The following TRAF3 variants were observed in gnomAD, a reference collection of about 807,000 sequenced individuals.
TRAF3 encodes the protein TNF receptor-associated factor 3.
Under a neutral mutation model 62.3 loss-of-function variants are expected in TRAF3, and 13 were observed. The observed-to-expected ratio is 0.21, with a 90% CI of 0.14 to 0.33. The LOEUF (loss-of-function observed/expected upper bound fraction) is 0.33. TRAF3 is among the 10% of genes least tolerant of loss of function. The probability of loss-of-function intolerance (pLI) is 1.00; values close to 1 mark genes in which losing one functional copy is unlikely to be tolerated. For missense variants in TRAF3, 440 were observed against 741.8 expected, an observed-to-expected ratio of 0.59 and a Z score of 4.73; for synonymous variants, 269 against 283.4, an observed-to-expected ratio of 0.95 and a Z score of 0.51.
At position 102,836,220 on chromosome 14, in the gene TRAF3, C is replaced by G. The variant is rs10147779; in HGVS notation, c.-18+5748C>G. Among the ~76,000 whole-genome samples the G allele has an allele frequency of 7.6e-3, 1,156 of 152,318 alleles. 17 individuals are homozygous for G. The highest frequency in any genetic ancestry group is 0.027 in the African/African-American group (1,110 of 41,572). On this transcript the variant is annotated intron_variant, in intron 2 of 11. Transcript: ENST00000392745. ...GGGCCTGTGCACCTGCTCCTCTGTG[C>G]CTGGCTTGTGGATGCCCCTCACTCG...
chr14:102,845,588 T>C (rs1057389269), intron 2 of TRAF3, among the ~76,000 whole-genome samples: 116 of 150,670 alleles, frequency 7.7e-4, no homozygotes, highest in Admixed American at 1.7e-3. Context: ...CCATCTCGGC[T>C]CACTGCAAGC....
intron 2 of TRAF3, 115 bp downstream of exon 2, chr14:102,830,587 C>G (rs916505502): frequency 2.0e-5 from 3 of 152,146 alleles, no homozygotes; most frequent in South Asian, 2.1e-4. Flanking sequence ...TTTAAAAATT[C>G]TTGTCTTCCC....
chr14:102,792,060 C>T (rs1479270613), intron 1 of TRAF3, among the ~76,000 whole-genome samples: 7 of 151,212 alleles, frequency 4.6e-5, no homozygotes. Flanking sequence ...GCAGTCAGCC[C>T]ACCTTGGCCT....
chr14:102,901,238 G>A (rs1239844574), intron 10 of TRAF3, among the ~76,000 whole-genome samples: 2 of 152,108 alleles, frequency 1.3e-5, no homozygotes, highest in African/African-American at 2.4e-5. Context: ...TAGCACAATC[G>A]CGGGGAGGGG....
intron 2 of TRAF3, among the ~76,000 whole-genome samples, chr14:102,846,802 C>T (rs1298169270): frequency 2.0e-5 from 3 of 152,054 alleles, no homozygotes; most frequent in African/African-American, 2.4e-5. Context: ...GGTGACAGAG[C>T]AAGATGCTGC....
Position 102,905,981 on chromosome 14 carries a change from C to G in TRAF3, c.*197C>G. 2.0e-6 allele frequency: 1 copy of G among 508,012 alleles called. No homozygotes were observed. The highest frequency in any genetic ancestry group is 3.5e-6 in the Non-Finnish European group (1 of 289,256). 31.5% of individuals were successfully genotyped at this position (508,012 alleles called of 1,614,324 possible). On this transcript the variant is annotated 3_prime_UTR_variant, in exon 12 of 12. Coordinates refer to ENST00000392745, the MANE Select transcript of TRAF3 (RefSeq NM_145725.3). Reference sequence around the variant, plus strand: ...TTTATAATAGACTAGCCACACTTCACTCTGAAGAATTATTTATCCTTCAAC... The same window carrying G: ...TTTATAATAGACTAGCCACACTTCAGTCTGAAGAATTATTTATCCTTCAAC...
At chr14:102,824,218 AC>A (rs752255322) in intron 1 of TRAF3, among the ~76,000 whole-genome samples, 15 of 152,140 alleles carry the variant, frequency 9.9e-5, no homozygotes, top group Non-Finnish European at 1.8e-4. Context: ...GGCTTGTTTG[AC>A]CTTTGTTGCT....
rs374968722 is a variant in TRAF3 at position 102,910,730 on chromosome 14, C to G, written c.*4946C>G. 1 of 152,246 alleles carries G rather than the reference C, an allele frequency of 6.6e-6. No homozygotes were observed. The highest frequency in any genetic ancestry group is 1.5e-5 in the Non-Finnish European group (1 of 68,086). 9.4% of individuals were successfully genotyped at this position (152,246 alleles called of 1,614,324 possible). ...GGCCCCGGTGGCCAAGCAGAGCCTG[C>G]GTTTCATTTCTCCTGCTGCACTGTG... On this transcript the variant is annotated 3_prime_UTR_variant, in exon 12 of 12. Coordinates refer to ENST00000392745, the MANE Select transcript of TRAF3 (RefSeq NM_145725.3).
intron 2 of TRAF3, among the ~76,000 whole-genome samples, chr14:102,834,207 C>T (rs1885829164): frequency 6.6e-6 from 1 of 152,098 alleles, no homozygotes; most frequent in African/African-American, 2.4e-5. Context: ...GACTATACTA[C>T]ATGGCTACAG....
chr14:102,794,650 C>T (rs983124263), intron 1 of TRAF3, among the ~76,000 whole-genome samples: 8 of 152,278 alleles, frequency 5.3e-5, no homozygotes, highest in Non-Finnish European at 7.4e-5. Context: ...ATCTGGTATA[C>T]GCATGGTGGC....
At chr14:102,779,439 A>C (rs957818636) in intron 1 of TRAF3, among the ~76,000 whole-genome samples, 1 of 152,192 alleles carries the variant, frequency 6.6e-6, no homozygotes, top group Admixed American at 6.5e-5. Context: ...AGGCAGTAAC[A>C]GTGGCCAGTT....
At chr14:102,817,093 G>A (rs1434841555) in intron 1 of TRAF3, among the ~76,000 whole-genome samples, 1 of 152,180 alleles carries the variant, frequency 6.6e-6, no homozygotes, top group East Asian at 1.9e-4. Flanking sequence ...CAAGGGCTCA[G>A]TGTTGGACCT....
chr14:102,787,648 C>T (rs1897572583), intron 1 of TRAF3, among the ~76,000 whole-genome samples: 1 of 152,078 alleles, frequency 6.6e-6, no homozygotes, highest in Admixed American at 6.5e-5. Flanking sequence ...GATGGCGCTA[C>T]TGCACTGCAG....
rs1054904961 is a variant in TRAF3, at chr14:102,778,516, A to T, written c.-157+841A>T. 6.6e-5 allele frequency among the ~76,000 whole-genome samples: 10 copies of T among 152,208 alleles called. 1 individual carries two copies. Among genetic ancestry groups the T allele is most frequent in the African/African-American group, 2.4e-4 (10 of 41,452 alleles). ...CAGATTACGAGCTGTTGACGGGACC[A>T]GTTGTATTTCACGTTTTTCGAATTA... On this transcript the variant is annotated intron_variant, in intron 1 of 11. Coordinates refer to ENST00000392745, the MANE Select transcript of TRAF3 (RefSeq NM_145725.3).
intron 2 of TRAF3, among the ~76,000 whole-genome samples, chr14:102,857,720 G>A (rs1306189615): frequency 1.3e-5 from 2 of 152,170 alleles, no homozygotes; most frequent in Non-Finnish European, 2.9e-5. Flanking sequence ...ACTTTTATTG[G>A]CTCCATAAGT....
At chr14:102,824,295 A>G (rs2139595568) in intron 1 of TRAF3, among the ~76,000 whole-genome samples, 1 of 152,364 alleles carries the variant, frequency 6.6e-6, no homozygotes, top group African/African-American at 2.4e-5. Context: ...AGAAACAGGC[A>G]GAATTGCAGT....
At chr14:102,796,676 A>T (rs1025478925) in intron 1 of TRAF3, among the ~76,000 whole-genome samples, 1 of 152,228 alleles carries the variant, frequency 6.6e-6, no homozygotes. Context: ...CCCCTGGTCG[A>T]TGCCCCGGAA....
chr14:102,849,637 G>A (rs574976680), intron 2 of TRAF3, among the ~76,000 whole-genome samples: 1 of 152,272 alleles, frequency 6.6e-6, no homozygotes, highest in African/African-American at 2.4e-5. Flanking sequence ...TGTCCTAAGG[G>A]GGCTTTTCAT....
chr14:102,859,833 T>G (rs79598078), intron 2 of TRAF3, among the ~76,000 whole-genome samples: 1,967 of 152,296 alleles, frequency 0.013, 43 homozygotes, highest in African/African-American at 0.046. Flanking sequence ...ATTAGTGGCT[T>G]TATGGTGGAG....
Sources: allele counts gnomAD v4.1 joint callset (sites outside exome capture counted in the v4.1 genomes callset), GRCh38; gene constraint gnomAD v4.1.1; transcripts MANE v1.5; gene names NCBI Gene and HGNC (gene_info 2026-07-23, HGNC 2026-07-21).